The following DPP10 variants were observed in gnomAD, a reference collection of about 807,000 sequenced individuals.
DPP10 encodes the protein dipeptidyl peptidase like 10.
A neutral mutation model predicts 120.9 loss-of-function variants in DPP10; 33 were observed. The ratio of observed to expected loss-of-function variants is 0.27; its 90% CI spans 0.21 to 0.37. The LOEUF (loss-of-function observed/expected upper bound fraction) is 0.37. Ranked by LOEUF, DPP10 falls within the 10% of genes least tolerant of loss-of-function variation. The probability of loss-of-function intolerance (pLI) is 1.00; values close to 1 mark genes in which losing one functional copy is unlikely to be tolerated. For missense variants in DPP10, 816 were observed against 942.8 expected (o/e 0.87, Z 1.76); for synonymous variants, 337 against 326.1 (o/e 1.03, Z -0.36).
chr2:115,708,665 A>C (rs1278381928), intron 7 of DPP10, among the ~76,000 whole-genome samples: 1 of 151,988 alleles, frequency 6.6e-6, no homozygotes, highest in Non-Finnish European at 1.5e-5. Context: ...CTTCTAACCA[A>C]TTTTATATCT....
At chr2:115,640,420 A>G (rs1306394985) in intron 5 of DPP10, among the ~76,000 whole-genome samples, 1 of 147,372 alleles carries the variant, frequency 6.8e-6, no homozygotes, top group Non-Finnish European at 1.5e-5. Context: ...TCTTCATCAT[A>G]CCAAGTATTC....
intron 1 of DPP10, among the ~76,000 whole-genome samples, chr2:114,478,026 A>G (rs750140972): frequency 6.6e-6 from 1 of 151,546 alleles, no homozygotes; most frequent in African/African-American, 2.4e-5. Flanking sequence ...TTGATGATAG[A>G]TTATTGAGTA....
intron 1 of DPP10, among the ~76,000 whole-genome samples, chr2:114,864,079 A>C (rs1446246147): frequency 1.3e-5 from 2 of 152,234 alleles, no homozygotes; most frequent in Non-Finnish European, 2.9e-5. Flanking sequence ...ATGCAATGAA[A>C]ATAAGGAAGG....
intron 1 of DPP10, among the ~76,000 whole-genome samples, chr2:114,661,049 A>G (rs1697361732): frequency 6.6e-6 from 1 of 152,188 alleles, no homozygotes; most frequent in African/African-American, 2.4e-5. Context: ...AAAATAAAAG[A>G]CAGAATTTCA....
chr2:114,760,129 G>A (rs1031475297), intron 1 of DPP10, among the ~76,000 whole-genome samples: 2 of 152,156 alleles, frequency 1.3e-5, no homozygotes, highest in Non-Finnish European at 2.9e-5. Context: ...CGATGCCATT[G>A]CTGGCCCACC....
chr2:115,537,255 G>T (rs574050397), intron 5 of DPP10, among the ~76,000 whole-genome samples: 1 of 152,002 alleles, frequency 6.6e-6, no homozygotes, highest in Admixed American at 6.6e-5. Flanking sequence ...TCCTGCATGT[G>T]CCTGTTATTT....
rs70937300 is a variant in DPP10, at chr2:114,712,992, C to CTTT, written c.60+270169_60+270171dup. On this transcript the variant is annotated intron_variant, in intron 1 of 25. Coordinates refer to ENST00000410059, the MANE Select transcript of DPP10 (RefSeq NM_020868.6). The stretch of plus-strand genomic sequence containing the variant: ...TTATAAATAATTTTGTAACCAAATT[C>CTTT]TTTTTTTTTTTTTTTTTGAGTTTTG... Among the ~76,000 whole-genome samples, 169 of 132,594 alleles carry CTTT rather than the reference C, an allele frequency of 1.3e-3. 2 individuals are homozygous for CTTT. The highest frequency in any genetic ancestry group is 8.0e-3 in the Admixed American group (102 of 12,686). The allele number at this position is 132,594 out of a possible 152,430, so 87.0% of individuals were successfully genotyped here.
chr2:115,547,585 C>T (rs988997862), intron 5 of DPP10, among the ~76,000 whole-genome samples: 4 of 151,912 alleles, frequency 2.6e-5, no homozygotes, highest in Non-Finnish European at 4.4e-5. Flanking sequence ...CCTGCCTGGG[C>T]AACATGGTGA....
rs2055684468 is a variant in DPP10, at chr2:115,201,193, T to C, written c.61-108046T>C. On this transcript the variant is annotated intron_variant, in intron 1 of 25. Transcript: ENST00000410059. ...AAAACACAGAACCGGCCGGGTGCAGTGGCTCATGCCTGTAATCCTAGCACT... is the reference window on the plus strand; with the variant it reads ...AAAACACAGAACCGGCCGGGTGCAGCGGCTCATGCCTGTAATCCTAGCACT... Among the ~76,000 whole-genome samples, 3 of 152,194 alleles carry C rather than the reference T, an allele frequency of 2.0e-5. No homozygotes were observed. The South Asian group carries it at 6.2e-4, about 31-fold the overall frequency.
chr2:114,665,815 G>T (rs1697880458), intron 1 of DPP10, among the ~76,000 whole-genome samples: 1 of 152,122 alleles, frequency 6.6e-6, no homozygotes, highest in African/African-American at 2.4e-5. Context: ...AGAAATTACT[G>T]TGCTTCATTC....
At chr2:114,513,895 A>T (rs1573536964) in intron 1 of DPP10, among the ~76,000 whole-genome samples, 1 of 152,348 alleles carries the variant, frequency 6.6e-6, no homozygotes, top group East Asian at 1.9e-4. Flanking sequence ...TGTTTTTGAA[A>T]CTTTTAAGAA....
At chr2:114,649,816 GTT>G (rs34048017) in intron 1 of DPP10, among the ~76,000 whole-genome samples, 150 of 151,144 alleles carry the variant, frequency 9.9e-4, no homozygotes, top group African/African-American at 3.4e-3. Context: ...TTATTTAGTA[GTT>G]TTTTTTTCAT....
chr2:115,158,879 T>C (rs1027880676), intron 1 of DPP10, among the ~76,000 whole-genome samples: 4 of 152,176 alleles, frequency 2.6e-5, no homozygotes, highest in Admixed American at 6.5e-5. Flanking sequence ...ATTTAAACAT[T>C]ATCAAGACAA....
intron 4 of DPP10, among the ~76,000 whole-genome samples, chr2:115,503,868 G>C (rs1416603687): frequency 6.6e-6 from 1 of 152,098 alleles, no homozygotes; most frequent in East Asian, 1.9e-4. Flanking sequence ...CTAGTGAGTA[G>C]AGGTCAGAAA....
At chr2:114,969,505 T>G (rs1275205820) in intron 1 of DPP10, among the ~76,000 whole-genome samples, 2 of 152,230 alleles carry the variant, frequency 1.3e-5, no homozygotes, top group East Asian at 3.8e-4. Context: ...ATTAAAGGAA[T>G]GAGTCAAGAA....
chr2:115,086,415 G>A (rs898484132), intron 1 of DPP10, among the ~76,000 whole-genome samples: 7 of 151,266 alleles, frequency 4.6e-5, no homozygotes, highest in African/African-American at 1.7e-4. Flanking sequence ...CCTGCTTAGA[G>A]AGTTGTCCTG....
At chr2:114,846,531 T>G (rs1688560654) in intron 1 of DPP10, among the ~76,000 whole-genome samples, 1 of 152,092 alleles carries the variant, frequency 6.6e-6, no homozygotes, top group Non-Finnish European at 1.5e-5. Context: ...AAATAGGTAA[T>G]GTGCAGTTTT....
In DPP10 at chr2:114,448,415, C is replaced by G. The variant is rs576978319; in HGVS notation, c.60+5577C>G. Among the ~76,000 whole-genome samples, 14 of 152,238 alleles carry G rather than the reference C, an allele frequency of 9.2e-5. No individual in the cohort carries two copies. The South Asian group carries it at 2.7e-3, about 29-fold the overall frequency. ...AATTTGTGATGACAAATTACTAACT[C>G]TCACTGAAAAGACATTATGGGTCTA... On this transcript the variant is annotated intron_variant, in intron 1 of 25. Transcript: ENST00000410059.
chr2:115,525,522 C>A (rs2078076115), intron 4 of DPP10, among the ~76,000 whole-genome samples: 1 of 151,878 alleles, frequency 6.6e-6, no homozygotes. Context: ...AAAATTATGA[C>A]AAACAGAATG....
Sources: gnomAD v4.1 joint callset for allele counts (sites outside exome capture counted in the v4.1 genomes callset) on GRCh38, gnomAD v4.1.1 for gene constraint, MANE v1.5 for transcripts, NCBI Gene and HGNC (gene_info 2026-07-23, HGNC 2026-07-21) for gene names.